The following SLC25A48 variants were observed in gnomAD, a reference collection of about 807,000 sequenced individuals.
SLC25A48 encodes the protein CTC-321K16.1.
Under a neutral mutation model 32.2 loss-of-function variants are expected in SLC25A48, and 29 were observed. The ratio of observed to expected loss-of-function variants is 0.90; its 90% CI spans 0.67 to 1.23. The LOEUF (loss-of-function observed/expected upper bound fraction) is 1.23, where lower values mean the gene tolerates loss of function less well. Among genes scored for constraint, SLC25A48 ranks in the 50% most tolerant of loss-of-function variants. The pLI, the probability that SLC25A48 is intolerant of heterozygous loss-of-function variation, is 0.00. For missense variants in SLC25A48, 399 were observed against 422.7 expected, an observed-to-expected ratio of 0.94 and a Z score of 0.49; for synonymous variants, 164 against 172.3, an observed-to-expected ratio of 0.95 and a Z score of 0.38.
At chr5:135,820,040 A>G (rs1467982797) in intron 4 of SLC25A48, among the ~76,000 whole-genome samples, 2 of 151,838 alleles carry the variant, frequency 1.3e-5, no homozygotes, top group Non-Finnish European at 2.9e-5. Context: ...TTAAACATAC[A>G]CTTACCATGT....
At position 135,717,032 on chromosome 5, in the gene SLC25A48, G is replaced by C. The variant is rs191985054; in HGVS notation, c.-521+82076G>C. On this transcript the variant is annotated intron_variant, in intron 3 of 10. Transcript: ENST00000646290. ...CTAAGATTTTTTTTGCAACCCCCAA[G>C]CATGATGTTTTGTCCTGTTGGGGCT... Among the ~76,000 whole-genome samples the C allele has an allele frequency of 6.0e-4, 92 of 152,284 alleles. 1 individual carries two copies. The highest frequency in any genetic ancestry group is 2.2e-3 in the African/African-American group (90 of 41,566).
intron 7 of SLC25A48, among the ~76,000 whole-genome samples, chr5:135,882,241 A>G (rs1762529044): frequency 6.6e-6 from 1 of 152,232 alleles, no homozygotes. Flanking sequence ...CTGCAGATTC[A>G]TCTTAAACAA....
At chr5:135,815,929 A>G (rs1757705898) in intron 4 of SLC25A48, among the ~76,000 whole-genome samples, 1 of 152,222 alleles carries the variant, frequency 6.6e-6, no homozygotes, top group Admixed American at 6.5e-5. Flanking sequence ...CTATTTTCAC[A>G]CTGCTGTGAA....
chr5:135,602,770 C>G (rs370619690), intron 1 of SLC25A48, among the ~76,000 whole-genome samples: 30 of 152,262 alleles, frequency 2.0e-4, no homozygotes, highest in African/African-American at 6.7e-4. Flanking sequence ...CCTCTCCCCC[C>G]ACCCCACGAC....
rs183913073 is a variant in SLC25A48, at chr5:135,787,121, T to C, written c.-520-25402T>C. ...GGGGATGTTACTCCTAATTTCACAG[T>C]AAGTGTACACCATGGGTGTGCACCC... is the stretch of plus-strand genomic sequence containing the variant. On this transcript the variant is annotated intron_variant, in intron 3 of 10. Transcript: ENST00000646290. Among the ~76,000 whole-genome samples, 209 of 152,018 alleles carry C rather than the reference T, an allele frequency of 1.4e-3. 1 individual carries two copies. Among genetic ancestry groups the C allele is most frequent in the Middle Eastern group, 3.4e-3 (1 of 290 alleles).
intron 3 of SLC25A48, among the ~76,000 whole-genome samples, chr5:135,850,863 C>T (rs751189814): frequency 2.0e-5 from 3 of 152,098 alleles, no homozygotes; most frequent in African/African-American, 2.4e-5. Flanking sequence ...TTATCTGGCC[C>T]GGCCGGAGCC....
rs76334474 is a variant in SLC25A48 at position 135,633,691 on chromosome 5, T to A, written c.-708-1078T>A. Among the ~76,000 whole-genome samples, 24 of 152,204 alleles carry A rather than the reference T, an allele frequency of 1.6e-4. No individual in the cohort carries two copies. In the East Asian group the frequency reaches 4.3e-3, roughly 27 times the overall value. Reference sequence around the variant, plus strand: ...GTGAGGATGATCTAATAGTGTCTCATTTGAACAAAACAAGTCCACTCTCAG... The same window carrying A: ...GTGAGGATGATCTAATAGTGTCTCAATTGAACAAAACAAGTCCACTCTCAG... On this transcript the variant is annotated intron_variant, in intron 2 of 10. Coordinates refer to the SLC25A48 transcript ENST00000646290.
rs201918730 is a variant in SLC25A48, at chr5:135,852,790, G to C, written c.390G>C (p.Arg130=). 1 of 1,612,586 alleles carries C rather than the reference G, an allele frequency of 6.2e-7. No homozygotes were observed. The highest frequency in any genetic ancestry group is 2.2e-5 in the East Asian group (1 of 44,838). ...GGCCCGTGGACCTCATCAAGATCCG[G>C]TTGCAGATGCAGACACAACCGTTTC... ...LGGPVDLIKI[R]LQMQTQPFRD... The change falls in exon 4 of 8, where the codon CGG becomes CGC. Residue 130 remains arginine (R), a synonymous_variant. Coordinates refer to ENST00000681962, the MANE Select transcript of SLC25A48 (RefSeq NM_001349336.2).
rs140484289 is a variant in SLC25A48 at position 135,647,975 on chromosome 5, G to A, written c.-521+13019G>A. Among the ~76,000 whole-genome samples, 19 of 152,264 alleles carry A rather than the reference G, an allele frequency of 1.2e-4. No homozygotes were observed. The East Asian group carries it at 3.7e-3, about 29-fold the overall frequency. The stretch of plus-strand genomic sequence containing the variant: ...AAGGTGGTGGTCCTAGGGGCATAGG[G>A]CCTCCTGGTGTCTTCTGGCTTTGCA... On this transcript the variant is annotated intron_variant, in intron 3 of 10. Coordinates refer to the SLC25A48 transcript ENST00000646290.
chr5:135,708,263 G>A (rs1754568156), intron 3 of SLC25A48, among the ~76,000 whole-genome samples: 1 of 152,112 alleles, frequency 6.6e-6, no homozygotes, highest in South Asian at 2.1e-4. Flanking sequence ...AGCAGCTCCT[G>A]GAAAATCTTG....
chr5:135,665,690 A>G (rs1160442161), intron 3 of SLC25A48, among the ~76,000 whole-genome samples: 1 of 151,426 alleles, frequency 6.6e-6, no homozygotes, highest in Non-Finnish European at 1.5e-5. Flanking sequence ...TCCTTTCCCC[A>G]GTTTATGTTT....
chr5:135,856,933 T>C (rs1467236116), intron 4 of SLC25A48, among the ~76,000 whole-genome samples: 2 of 151,712 alleles, frequency 1.3e-5, no homozygotes, highest in African/African-American at 4.8e-5. Context: ...TAAAACTGTT[T>C]GGGGTTCGGT....
chr5:135,713,374 T>C (rs1754716125), intron 3 of SLC25A48, among the ~76,000 whole-genome samples: 1 of 152,172 alleles, frequency 6.6e-6, no homozygotes, highest in South Asian at 2.1e-4. Context: ...TGAACTTGTG[T>C]GGTTATCAGA....
intron 3 of SLC25A48, among the ~76,000 whole-genome samples, chr5:135,804,734 A>G (rs1757424144): frequency 6.6e-6 from 1 of 151,570 alleles, no homozygotes; most frequent in South Asian, 2.1e-4. Context: ...ATATTACTCA[A>G]TATCACAGTG....
intron 3 of SLC25A48, among the ~76,000 whole-genome samples, chr5:135,751,598 C>T (rs1755771620): frequency 6.6e-6 from 1 of 152,116 alleles, no homozygotes; most frequent in Admixed American, 6.6e-5. Context: ...CTTTAGGAGG[C>T]CAAGGCAGGA....
intron 3 of SLC25A48, among the ~76,000 whole-genome samples, chr5:135,690,362 A>G (rs769715847): frequency 2.0e-5 from 3 of 152,230 alleles, no homozygotes; most frequent in Non-Finnish European, 2.9e-5. Context: ...CAAAGCCAGC[A>G]TAAGCCAAAG....
chr5:135,707,992 C>T (rs1259849232), intron 3 of SLC25A48, among the ~76,000 whole-genome samples: 1 of 152,086 alleles, frequency 6.6e-6, no homozygotes, highest in Non-Finnish European at 1.5e-5. Flanking sequence ...GCCTCAGTGC[C>T]TGGAGCTGAG....
chr5:135,788,824 C>T (rs1756930730), intron 3 of SLC25A48, among the ~76,000 whole-genome samples: 2 of 150,262 alleles, frequency 1.3e-5, no homozygotes, highest in African/African-American at 4.9e-5. Context: ...GTACACCCCC[C>T]TCCCTGCCAT....
chr5:135,696,035 C>G (rs575897915), intron 3 of SLC25A48, among the ~76,000 whole-genome samples: 1 of 152,336 alleles, frequency 6.6e-6, no homozygotes, highest in South Asian at 2.1e-4. Context: ...CTCTCTGAGC[C>G]TCAGTGTCAT....
Sources: allele counts gnomAD v4.1 joint callset (sites outside exome capture counted in the v4.1 genomes callset), GRCh38; gene constraint gnomAD v4.1.1; transcripts MANE v1.5; gene names NCBI Gene and HGNC (gene_info 2026-07-23, HGNC 2026-07-21).